Variants in NREP observed in about 807,000 individuals in gnomAD.
NREP encodes neuronal regeneration related protein, also known as neuronal regeneration-related protein.
Under a neutral mutation model 8.6 loss-of-function variants are expected in NREP, and 5 were observed. The ratio of observed to expected loss-of-function variants is 0.58; its 90% CI spans 0.30 to 1.22. The LOEUF (loss-of-function observed/expected upper bound fraction) is 1.22. NREP is among the 50% of genes most tolerant of loss of function. NREP has a pLI of 0.07. For missense variants in NREP, 86 were observed against 82.5 expected, an observed-to-expected ratio of 1.04 and a Z score of -0.17; for synonymous variants, 27 against 28.0, an observed-to-expected ratio of 0.96 and a Z score of 0.11.
intron 2 of NREP, among the ~76,000 whole-genome samples, chr5:111,925,605 A>G (rs771786222): frequency 6.6e-6 from 1 of 152,118 alleles, no homozygotes; most frequent in Non-Finnish European, 1.5e-5. Flanking sequence ...TGAGTAATAA[A>G]CTTGTACTTT....
intron 2 of NREP, among the ~76,000 whole-genome samples, chr5:111,766,140 C>G (rs1199811449): frequency 6.6e-6 from 1 of 152,126 alleles, no homozygotes; most frequent in Non-Finnish European, 1.5e-5. Flanking sequence ...TTGCATATAG[C>G]CTTTTCATTC....
chr5:111,908,681 G>A (rs2112559483), intron 2 of NREP, among the ~76,000 whole-genome samples: 1 of 151,894 alleles, frequency 6.6e-6, no homozygotes, highest in South Asian at 2.1e-4. Flanking sequence ...CTCTGTTGAT[G>A]GGCACCTTGG....
intron 2 of NREP, among the ~76,000 whole-genome samples, chr5:111,858,848 A>G (rs1457519563): frequency 1.3e-5 from 2 of 152,196 alleles, no homozygotes; most frequent in Non-Finnish European, 2.9e-5. Flanking sequence ...CCTTACGAGC[A>G]TCAACCACCA....
chr5:111,920,436 T>A (rs1292175952), intron 2 of NREP, among the ~76,000 whole-genome samples: 1 of 152,150 alleles, frequency 6.6e-6, no homozygotes, highest in East Asian at 1.9e-4. Context: ...CATTAGCTAT[T>A]TGTCTTAATG....
At chr5:111,770,708 T>C (rs1239436726) in intron 2 of NREP, among the ~76,000 whole-genome samples, 1 of 151,868 alleles carries the variant, frequency 6.6e-6, no homozygotes, top group Non-Finnish European at 1.5e-5. Context: ...TACCCTGGAC[T>C]ACACATGCGC....
At chr5:111,804,092 G>C (rs1230105159) in intron 2 of NREP, among the ~76,000 whole-genome samples, 1 of 152,100 alleles carries the variant, frequency 6.6e-6, no homozygotes, top group African/African-American at 2.4e-5. Context: ...TTTGAGATGA[G>C]ATGACAAAGG....
intron 2 of NREP, among the ~76,000 whole-genome samples, chr5:111,889,180 G>T (rs749764573): frequency 7.9e-5 from 12 of 152,208 alleles, no homozygotes; most frequent in Non-Finnish European, 1.8e-4. Context: ...CATACTGCTG[G>T]TGTCTGCTTC....
chr5:111,912,195 G>C (rs879439608), intron 2 of NREP, among the ~76,000 whole-genome samples: 1 of 151,972 alleles, frequency 6.6e-6, no homozygotes, highest in African/African-American at 2.4e-5. Context: ...ACATTCTCCA[G>C]TATTTTCCTT....
At chr5:111,844,240 T>A (rs1056719889) in intron 2 of NREP, among the ~76,000 whole-genome samples, 14 of 152,148 alleles carry the variant, frequency 9.2e-5, no homozygotes, top group Non-Finnish European at 1.6e-4. Flanking sequence ...TTTACTTTTT[T>A]AAATATGAAT....
intron 2 of NREP, among the ~76,000 whole-genome samples, chr5:111,787,513 G>A (rs1248826898): frequency 1.3e-5 from 2 of 151,700 alleles, no homozygotes; most frequent in Admixed American, 1.3e-4. Context: ...TATAATGGAT[G>A]AGAGTTGGAG....
chr5:111,943,071 G>A (rs1581238431), intron 2 of NREP, among the ~76,000 whole-genome samples: 1 of 152,028 alleles, frequency 6.6e-6, no homozygotes, highest in Middle Eastern at 3.4e-3. Context: ...GCTGTCTCCT[G>A]TAGTCCTCTT....
intron 2 of NREP, among the ~76,000 whole-genome samples, chr5:111,878,369 C>T (rs1026625287): frequency 5.3e-5 from 8 of 152,020 alleles, no homozygotes; most frequent in Non-Finnish European, 7.4e-5. Flanking sequence ...TCTTACATGG[C>T]GGCAGGTGAG....
chr5:111,954,442 T>C (rs867672865), intron 2 of NREP, among the ~76,000 whole-genome samples: 1 of 152,292 alleles, frequency 6.6e-6, no homozygotes, highest in Middle Eastern at 3.4e-3. Context: ...ACTAGTGATA[T>C]GTTTTGGTTT....
intron 2 of NREP, among the ~76,000 whole-genome samples, chr5:111,824,283 G>A (rs893221452): frequency 1.3e-5 from 2 of 152,106 alleles, no homozygotes; most frequent in East Asian, 1.9e-4. Flanking sequence ...GCAGGAGAAC[G>A]GCATGAACCA....
rs35853357 is a variant in NREP, at chr5:111,886,999, T to TA, written c.135+88274dup. On this transcript the variant is annotated intron_variant, in intron 2 of 3. Transcript: ENST00000395634. ...ATAATAAAATAAAAAATAGAAAAAA[T>TA]AAAAAAAAAAACATCCCAGGCTCAA... Among the ~76,000 whole-genome samples, 416 of 144,548 alleles carry TA rather than the reference T, an allele frequency of 2.9e-3. 4 individuals carry two copies. The highest frequency in any genetic ancestry group is 4.1e-3 in the African/African-American group (162 of 39,738). The allele number at this position is 144,548 out of a possible 152,430, so 94.8% of individuals were successfully genotyped here. A position where few individuals can be genotyped will look rare whatever the true frequency, so the allele number is the denominator to read the frequency against.
chr5:111,814,964 A>G (rs1182785874), intron 2 of NREP, among the ~76,000 whole-genome samples: 1 of 63,644 alleles, frequency 1.6e-5, no homozygotes, highest in East Asian at 1.3e-3. Flanking sequence ...TACCAAGAGG[A>G]AAAAAAAAAA....
intron 2 of NREP, among the ~76,000 whole-genome samples, chr5:111,763,134 G>C (rs956653402): frequency 6.6e-5 from 10 of 152,200 alleles, no homozygotes; most frequent in Non-Finnish European, 1.5e-4. Context: ...CAGCACAGAT[G>C]AGAGATTCTC....
chr5:111,873,677 G>A (rs1160990934), intron 2 of NREP, among the ~76,000 whole-genome samples: 1 of 152,144 alleles, frequency 6.6e-6, no homozygotes, highest in Non-Finnish European at 1.5e-5. Flanking sequence ...GGACTCATAT[G>A]ATCAGAATGG....
At chr5:111,931,423 A>G (rs1462963944) in intron 2 of NREP, among the ~76,000 whole-genome samples, 1 of 152,092 alleles carries the variant, frequency 6.6e-6, no homozygotes, top group African/African-American at 2.4e-5. Flanking sequence ...CGAGGCCCAC[A>G]TGGTGTGGAG....
Sources: allele counts gnomAD v4.1 joint callset (sites outside exome capture counted in the v4.1 genomes callset), GRCh38; gene constraint gnomAD v4.1.1; transcripts MANE v1.5; gene names NCBI Gene and HGNC (gene_info 2026-07-23, HGNC 2026-07-21).